PIK3R4: variants seen among roughly 807,000 people sequenced by gnomAD.
PIK3R4 encodes the protein phosphoinositide-3-kinase regulatory subunit 4, also known as phosphoinositide 3-kinase regulatory subunit 4.
Under a neutral mutation model 136.5 loss-of-function variants are expected in PIK3R4, and 46 were observed. That is an observed-to-expected ratio of 0.34 (90% CI 0.27 to 0.43). The LOEUF (loss-of-function observed/expected upper bound fraction) is 0.43. Among genes scored for constraint, PIK3R4 ranks in the 20% least tolerant of loss-of-function variants. The pLI is 1.00. For synonymous variants in PIK3R4, 557 were observed against 566.7 expected, an observed-to-expected ratio of 0.98 and a Z score of 0.24; for missense variants, 1,331 against 1,649.5, an observed-to-expected ratio of 0.81 and a Z score of 3.35.
At chr3:130,743,000 C>A (rs1173487390) in intron 2 of PIK3R4, among the ~76,000 whole-genome samples, 2 of 152,056 alleles carry the variant, frequency 1.3e-5, no homozygotes, top group African/African-American at 4.8e-5. Flanking sequence ...TTAAGGGTAT[C>A]CAAAAAAGCT....
intron 7 of PIK3R4, among the ~76,000 whole-genome samples, chr3:130,718,987 C>T (rs2066683295): frequency 1.3e-5 from 2 of 152,130 alleles, no homozygotes; most frequent in African/African-American, 4.8e-5. Flanking sequence ...GAATTTACTT[C>T]TCCAAGCTAC....
At chr3:130,702,445 A>G (rs529384515) in intron 13 of PIK3R4, among the ~76,000 whole-genome samples, 12 of 152,350 alleles carry the variant, frequency 7.9e-5, no homozygotes, top group Admixed American at 6.5e-4. Flanking sequence ...GTAAAAATAT[A>G]GAGCTAATCG....
chr3:130,681,150 G>A (rs1414878419), intron 17 of PIK3R4, 85 bp from the exon 18 acceptor site: 4 of 811,934 alleles, frequency 4.9e-6, no homozygotes, highest in African/African-American at 3.4e-5. Context: ...CAAGTTAACT[G>A]TCAGTAGCTT....
chr3:130,702,202 G>A lies in PIK3R4; in HGVS notation c.3098+1521C>T, dbSNP rs923954759. Among the ~76,000 whole-genome samples, 6 of 152,176 alleles carry A rather than the reference G, an allele frequency of 3.9e-5. No individual in the cohort carries two copies. The East Asian group carries it at 1.2e-3, about 29-fold the overall frequency. On this transcript the variant is annotated intron_variant, in intron 13 of 19. Transcript: ENST00000356763. ...TTGATGGGAGGCAGAAAAATGAATA[G>A]TTATAAAACAGAGCAAATATAGTAA...
chr3:130,733,810 T>G lies in PIK3R4; in HGVS notation c.1188A>C (p.Leu396=). 6.2e-7 allele frequency: 1 copy of G among 1,614,132 alleles called. No homozygotes were observed. Among genetic ancestry groups the G allele is most frequent in the Non-Finnish European group, 8.5e-7 (1 of 1,180,002 alleles). ...AATGAAGAATCAGTTCCAAAGCAGC[T>G]AGTTTGGAATCACAGTATTTAAGGG... The part of the protein sequence containing the change: ...LQTLKYCDSK[L]AALELILHLA... Residue 396 remains leucine, a synonymous_variant, in exon 4 of 20, where the codon CTA becomes CTC. Transcript: ENST00000356763.
rs372057715 is a variant in PIK3R4, at chr3:130,697,237, A to T, written c.3098+6486T>A. On this transcript the variant is annotated intron_variant, in intron 13 of 19. Coordinates refer to ENST00000356763, the MANE Select transcript of PIK3R4 (RefSeq NM_014602.3). ...GGCGTGTGCCACCACGCCTGGCAAAATTTTTTTGTATTTTTAGTAGAGTCA... is the reference window on the plus strand; with the variant it reads ...GGCGTGTGCCACCACGCCTGGCAAATTTTTTTTGTATTTTTAGTAGAGTCA... Among the ~76,000 whole-genome samples, 232 of 150,890 alleles carry T rather than the reference A, an allele frequency of 1.5e-3. 1 individual carries two copies. Among genetic ancestry groups the T allele is most frequent in the African/African-American group, 5.1e-3 (208 of 41,120 alleles).
At chr3:130,741,090 C>T (rs1227377088) in intron 2 of PIK3R4, among the ~76,000 whole-genome samples, 1 of 152,090 alleles carries the variant, frequency 6.6e-6, no homozygotes, top group Non-Finnish European at 1.5e-5. Flanking sequence ...GTCAAGTGCC[C>T]CCTGCCTCCC....
chr3:130,686,280 T>C lies in PIK3R4; in HGVS notation c.3406A>G (p.Lys1136Glu). The change falls in exon 15 of 20, where the codon AAG becomes GAG. Residue 1136 changes from lysine (K) to glutamate (E), a missense_variant. Physicochemically the swap from Lys to Glu is moderately conservative, Grantham distance 56. Coordinates refer to ENST00000356763, the MANE Select transcript of PIK3R4 (RefSeq NM_014602.3). Reference sequence around the variant, plus strand: ...ATGAGGCCCGACTTTAAATCATGCTTTAAAGTCCACGCATTGCTTGAAGAC... The same window carrying C: ...ATGAGGCCCGACTTTAAATCATGCTCTAAAGTCCACGCATTGCTTGAAGAC... ...LRSSSNAWTL[K>E]HDLKSGLITS... is the part of the protein sequence containing the mutation. 1.2e-6 allele frequency: 2 copies of C among 1,613,550 alleles called. No individual in the cohort carries two copies. The highest frequency in any genetic ancestry group is 2.7e-5 in the African/African-American group (2 of 75,004).
chr3:130,679,440 G>A lies in PIK3R4; in HGVS notation c.3952C>T (p.Arg1318Ter), dbSNP rs765217350. 1.4e-5 allele frequency: 23 copies of A among 1,612,792 alleles called. No individual in the cohort carries two copies. Among genetic ancestry groups the A allele is most frequent in the Non-Finnish European group, 1.6e-5 (19 of 1,179,154 alleles). Residue 1318 changes from arginine to a stop codon, truncating the protein, a stop_gained, in exon 20 of 20, where the codon CGA becomes TGA. Transcript: ENST00000356763. LOFTEE classifies it high-confidence loss of function. ...ACGGGCAGGGACTCTGGGCCCCTTCGAGGGGTGTCATCACTTGGTCCTACT... is the reference window on the plus strand; with the variant it reads ...ACGGGCAGGGACTCTGGGCCCCTTCAAGGGGTGTCATCACTTGGTCCTACT... Reference protein sequence around the residue: ...QKVGPSDDTPRRGPESLPVGH... With the variant: ...QKVGPSDDTP
chr3:130,702,294 A>G (rs1475495588), intron 13 of PIK3R4, among the ~76,000 whole-genome samples: 1 of 152,198 alleles, frequency 6.6e-6, no homozygotes, highest in Non-Finnish European at 1.5e-5. Flanking sequence ...CTTTGCTTGC[A>G]TATTTGAATA....
intron 9 of PIK3R4, among the ~76,000 whole-genome samples, chr3:130,715,016 T>A (rs945155202): frequency 6.6e-6 from 1 of 152,038 alleles, no homozygotes; most frequent in Non-Finnish European, 1.5e-5. Context: ...CCTTGAGGAA[T>A]CACCATACTG....
chr3:130,689,155 T>C (rs1190300059), intron 14 of PIK3R4, among the ~76,000 whole-genome samples: 2 of 152,224 alleles, frequency 1.3e-5, no homozygotes, highest in Non-Finnish European at 1.5e-5. Context: ...GCACACACTG[T>C]GAGGCAGAGT....
chr3:130,718,582 A>G, intron 7 of PIK3R4, 48 bp from the exon 8 acceptor site: 1 of 1,594,072 alleles, frequency 6.3e-7, no homozygotes, highest in East Asian at 2.2e-5. Context: ...ATTTCAAACT[A>G]TCGGGATAAA....
intron 9 of PIK3R4, among the ~76,000 whole-genome samples, chr3:130,714,611 C>A (rs931339755): frequency 2.0e-5 from 3 of 152,014 alleles, no homozygotes. Flanking sequence ...CCTCACCCCC[C>A]ACCCCTCAAC....
At position 130,679,238 on chromosome 3, in the gene PIK3R4, CTG is replaced by C; in HGVS notation, c.*75_*76del. 1.1e-6 allele frequency: 1 copy of C among 878,930 alleles called. No individual in the cohort carries two copies. The highest frequency in any genetic ancestry group is 1.6e-6 in the Non-Finnish European group (1 of 621,738). 54.4% of individuals were successfully genotyped at this position (878,930 alleles called of 1,614,324 possible). On this transcript the variant is annotated 3_prime_UTR_variant, in exon 20 of 20. Coordinates refer to ENST00000356763, the MANE Select transcript of PIK3R4 (RefSeq NM_014602.3). Reference sequence around the variant, plus strand: ...AATTTTGAAAATTAAGCAAATGAATCTGTTCTCTAGAAATGCCTTTTCTCGAG... The same window carrying C: ...AATTTTGAAAATTAAGCAAATGAATCTTCTCTAGAAATGCCTTTTCTCGAG...
At chr3:130,694,247 T>C (rs900491299) in intron 13 of PIK3R4, among the ~76,000 whole-genome samples, 2 of 152,052 alleles carry the variant, frequency 1.3e-5, no homozygotes, top group Admixed American at 6.5e-5. Context: ...CAATATTGTT[T>C]TGGTTATTCT....
rs1469711351 is a variant in PIK3R4 at position 130,735,795 on chromosome 3, G to A, written c.867+74C>T. On this transcript the variant is annotated intron_variant, in intron 3 of 19. Coordinates refer to ENST00000356763, the MANE Select transcript of PIK3R4 (RefSeq NM_014602.3). ...TTGATTCCAAATTTACAACATTCCA[G>A]AAATCTGATTAAAGCAAAAGTGGGA... The A allele has an allele frequency of 4.4e-6, 6 of 1,350,286 alleles. No homozygotes were observed. The Admixed American group carries it at 6.5e-5, about 15-fold the overall frequency. The allele number at this position is 1,350,286 out of a possible 1,614,324, so 83.6% of individuals were successfully genotyped here. A position where few individuals can be genotyped will look rare whatever the true frequency, so the allele number is the denominator to read the frequency against.
chr3:130,716,295 GTAATC>G, intron 9 of PIK3R4, 96 bp downstream of exon 9: 1 of 888,530 alleles, frequency 1.1e-6, no homozygotes, highest in South Asian at 1.6e-5. Flanking sequence ...TTTTTATGAT[GTAATC>G]TAATCAATCA....
chr3:130,701,752 C>T, intron 13 of PIK3R4, among the ~76,000 whole-genome samples: 1 of 151,876 alleles, frequency 6.6e-6, no homozygotes, highest in South Asian at 2.1e-4. Flanking sequence ...GAAAAAAGAG[C>T]TATAAATATT....
Sources: allele counts gnomAD v4.1 joint callset (sites outside exome capture counted in the v4.1 genomes callset), GRCh38; gene constraint gnomAD v4.1.1; transcripts MANE v1.5; gene names NCBI Gene and HGNC (gene_info 2026-07-23, HGNC 2026-07-21).